TTLL11: variants seen among roughly 807,000 people sequenced by gnomAD.
TTLL11 encodes tubulin tyrosine ligase like 11, also known as tubulin polyglutamylase TTLL11.
In TTLL11, 42 loss-of-function variants were observed where a neutral mutation model predicts 51.7. The observed-to-expected ratio is 0.81, with a 90% confidence interval of 0.64 to 1.05. TTLL11 has a LOEUF of 1.05. TTLL11 is among the 50% of genes least tolerant of loss of function. TTLL11 has a pLI of 0.00. For synonymous variants in TTLL11, 381 were observed against 383.5 expected (o/e 0.99, Z 0.08); for missense variants, 799 against 940.4 (o/e 0.85, Z 1.97).
intron 6 of TTLL11, among the ~76,000 whole-genome samples, chr9:121,932,120 T>G (rs1389700901): frequency 6.6e-6 from 1 of 152,166 alleles, no homozygotes; most frequent in Non-Finnish European, 1.5e-5. Flanking sequence ...GGCTGCATAT[T>G]CTATTTATCT....
intron 8 of TTLL11, among the ~76,000 whole-genome samples, chr9:121,841,079 G>A (rs922312115): frequency 6.6e-6 from 1 of 152,146 alleles, no homozygotes; most frequent in Non-Finnish European, 1.5e-5. Context: ...GGGTCTGGAA[G>A]CTTCACAGAC....
intron 6 of TTLL11, among the ~76,000 whole-genome samples, chr9:121,939,902 T>C (rs892705317): frequency 6.6e-6 from 1 of 151,982 alleles, no homozygotes; most frequent in Non-Finnish European, 1.5e-5. Flanking sequence ...AAGGAGAGGA[T>C]GAAGGCAGCA....
At position 121,998,494 on chromosome 9, in the gene TTLL11, C is replaced by A. The variant is rs181057001; in HGVS notation, c.694-8724G>T. 3.6e-3 allele frequency among the ~76,000 whole-genome samples: 552 copies of A among 152,150 alleles called. 6 individuals carry two copies. The highest frequency in any genetic ancestry group is 0.011 in the African/African-American group (465 of 41,516). On this transcript the variant is annotated intron_variant, in intron 3 of 8. Transcript: ENST00000321582. ...AGAGACGGAGTTTCACTACGTTGGT[C>A]AGGCTGGTCTCAAACTCCTGACCTC...
intron 6 of TTLL11, among the ~76,000 whole-genome samples, chr9:121,888,125 C>A (rs1839085524): frequency 6.6e-6 from 1 of 152,160 alleles, no homozygotes; most frequent in South Asian, 2.1e-4. Context: ...TGCTGGGATC[C>A]CAGGATGCCA....
At chr9:121,844,206 T>A (rs1372511426) in intron 8 of TTLL11, among the ~76,000 whole-genome samples, 1 of 151,888 alleles carries the variant, frequency 6.6e-6, no homozygotes, top group East Asian at 1.9e-4. Context: ...TTCACTCCAG[T>A]GCAATAACAG....
intron 3 of TTLL11, among the ~76,000 whole-genome samples, chr9:122,018,648 G>A (rs1844067030): frequency 6.6e-6 from 1 of 152,228 alleles, no homozygotes. Context: ...GTAAGGAAGA[G>A]ATGATGGTGC....
chr9:121,831,335 G>A (rs1837000842), intron 8 of TTLL11, among the ~76,000 whole-genome samples: 1 of 152,208 alleles, frequency 6.6e-6, no homozygotes, highest in Non-Finnish European at 1.5e-5. Context: ...GAGTGATCAG[G>A]AAATGGAATG....
At chr9:121,897,640 A>ACACACACACATACACACACACACACGCG in intron 6 of TTLL11, among the ~76,000 whole-genome samples, 1 of 139,292 alleles carries the variant, frequency 7.2e-6, no homozygotes, top group Non-Finnish European at 1.6e-5. Flanking sequence ...ACACACACAC[A>ACACACACACATACACACACACACACGCG]CGCGCGCGCG....
chr9:122,072,897 G>A lies in TTLL11; in HGVS notation c.462+19790C>T, dbSNP rs568120147. On this transcript the variant is annotated intron_variant, in intron 1 of 8. Transcript: ENST00000321582. ...GCAGAGAGGGAGCTCTCCGGGGAAG[G>A]GACACACAGGGTGTCATTTCTTTGT... Among the ~76,000 whole-genome samples, 4 of 152,226 alleles carry A rather than the reference G, an allele frequency of 2.6e-5. No individual in the cohort carries two copies. In the South Asian group the frequency reaches 8.3e-4, roughly 32 times the overall value.
intron 3 of TTLL11, among the ~76,000 whole-genome samples, chr9:122,018,964 C>T (rs1844080199): frequency 6.6e-6 from 1 of 152,208 alleles, no homozygotes; most frequent in Non-Finnish European, 1.5e-5. Context: ...GCAACAAACA[C>T]TTGCCATCTC....
At position 122,000,739 on chromosome 9, in the gene TTLL11, C is replaced by T. The variant is rs1040763631; in HGVS notation, c.694-10969G>A. On this transcript the variant is annotated intron_variant, in intron 3 of 8. Coordinates refer to ENST00000321582, the MANE Select transcript of TTLL11 (RefSeq NM_001139442.2). Reference sequence around the variant, plus strand: ...CATAAAATGGGCAACCAGCTGCCCTCGGGGCTGTTGTATGGAGAAGCCATT... The same window carrying T: ...CATAAAATGGGCAACCAGCTGCCCTTGGGGCTGTTGTATGGAGAAGCCATT... Among the ~76,000 whole-genome samples the T allele has an allele frequency of 3.3e-5, 5 of 152,146 alleles. No homozygotes were observed. In the East Asian group the frequency reaches 5.8e-4, roughly 18 times the overall value.
intron 2 of TTLL11, among the ~76,000 whole-genome samples, chr9:122,032,589 A>G (rs1844585100): frequency 6.6e-6 from 1 of 151,300 alleles, no homozygotes; most frequent in Admixed American, 6.6e-5. Flanking sequence ...CGGAGCTTGC[A>G]ATGAGCCAAG....
chr9:122,064,368 G>C (rs778027734), intron 1 of TTLL11, among the ~76,000 whole-genome samples: 1 of 152,154 alleles, frequency 6.6e-6, no homozygotes, highest in Non-Finnish European at 1.5e-5. Flanking sequence ...TTAGGATAGC[G>C]GGTCAAGCAA....
intron 6 of TTLL11, among the ~76,000 whole-genome samples, chr9:121,942,462 C>T (rs62574001): frequency 1.3e-3 from 191 of 152,324 alleles, no homozygotes; most frequent in Non-Finnish European, 2.2e-3. Flanking sequence ...TGTTTGAAAG[C>T]GGGGACCTCG....
chr9:121,824,902 A>G (rs1285741645), intron 8 of TTLL11, among the ~76,000 whole-genome samples: 1 of 152,112 alleles, frequency 6.6e-6, no homozygotes, highest in African/African-American at 2.4e-5. Context: ...TCCCAGAGCT[A>G]TTTTTGCCTT....
chr9:121,955,586 C>T (rs1769747965), intron 6 of TTLL11, among the ~76,000 whole-genome samples: 1 of 152,204 alleles, frequency 6.6e-6, no homozygotes, highest in Non-Finnish European at 1.5e-5. Context: ...AGTTAAATAA[C>T]TGCCCCAGAT....
At chr9:121,895,955 G>T (rs868543058) in intron 6 of TTLL11, among the ~76,000 whole-genome samples, 418 of 16,690 alleles carry the variant, frequency 0.025, 1 homozygote, top group Admixed American at 0.072. Context: ...TGTGGGTGTG[G>T]GTGTGTGGGT....
chr9:122,059,196 CTAAT>C (rs1171873252), intron 1 of TTLL11, among the ~76,000 whole-genome samples: 1 of 152,158 alleles, frequency 6.6e-6, no homozygotes, highest in African/African-American at 2.4e-5. Flanking sequence ...GATTCTAGTC[CTAAT>C]TAATTAATTC....
rs1839544739 is a variant in TTLL11 at position 121,896,818 on chromosome 9, T to A, written c.1482-26070A>T. ...GCTGCGGCTAGCCTGGGAATGGGGA[T>A]CTGTTTGTGGGTGTCATGGCCATCC... On this transcript the variant is annotated intron_variant, in intron 6 of 8. Transcript: ENST00000321582. Among the ~76,000 whole-genome samples, 8 of 152,092 alleles carry A rather than the reference T, an allele frequency of 5.3e-5. No individual in the cohort carries two copies. In the South Asian group the frequency reaches 1.7e-3, roughly 32 times the overall value.
Sources: gnomAD v4.1 joint callset for allele counts (sites outside exome capture counted in the v4.1 genomes callset) on GRCh38, gnomAD v4.1.1 for gene constraint, MANE v1.5 for transcripts, NCBI Gene and HGNC (gene_info 2026-07-23, HGNC 2026-07-21) for gene names.